MAP7D1: variants seen among roughly 807,000 people sequenced by gnomAD.
MAP7D1 encodes the protein MAP7 domain-containing protein 1.
Under a neutral mutation model 97.5 loss-of-function variants are expected in MAP7D1, and 30 were observed. The observed-to-expected ratio is 0.31, with a 90% CI of 0.23 to 0.42. The LOEUF is 0.42. MAP7D1 is among the 10% of genes least tolerant of loss of function. The pLI is 1.00. For synonymous variants in MAP7D1, 536 were observed against 477.1 expected (o/e 1.12, Z -1.61); for missense variants, 1,184 against 1,179.5 (o/e 1.00, Z -0.06).
At chr1:36,156,583 G>A (rs1342789371) in intron 1 of MAP7D1, 120 bp downstream of exon 1, 1 of 776,304 alleles carries the variant, frequency 1.3e-6, no homozygotes, top group Non-Finnish European at 1.8e-6. Context: ...TGACCACTTG[G>A]AAGTTTAAAA....
intron 1 of MAP7D1, among the ~76,000 whole-genome samples, chr1:36,166,686 G>C (rs1429377996): frequency 6.6e-6 from 1 of 152,128 alleles, no homozygotes; most frequent in Non-Finnish European, 1.5e-5. Context: ...ACCGCACCCG[G>C]CCAATCTGAC....
intron 1 of MAP7D1, among the ~76,000 whole-genome samples, chr1:36,158,902 G>A (rs1411078900): frequency 6.6e-6 from 1 of 152,104 alleles, no homozygotes; most frequent in African/African-American, 2.4e-5. Context: ...TCTTAAGTTT[G>A]CTCATCTGTA....
In MAP7D1 at chr1:36,179,182, T is replaced by C. The variant is rs186950490; in HGVS notation, c.2131-80T>C. 1.4e-3 allele frequency: 2,209 copies of C among 1,556,270 alleles called. 51 individuals are homozygous for C. In the Admixed American group the frequency reaches 0.034, roughly 24 times the overall value. ...GCTATGAGCTGGGAGGCCCTAAGAC[T>C]CCGAGGCCGGGTCTGGCTGGTGGGA... is the stretch of plus-strand genomic sequence containing the variant. On this transcript the variant is annotated intron_variant, in intron 12 of 16. Coordinates refer to ENST00000474796, the MANE Select transcript of MAP7D1 (RefSeq NM_001388490.1).
At position 36,178,486 on chromosome 1, in the gene MAP7D1, C is replaced by A. The variant is rs1005911204; in HGVS notation, c.1776C>A (p.Gly592=). 1 of 1,611,018 alleles carries A rather than the reference C, an allele frequency of 6.2e-7. No homozygotes were observed. The highest frequency in any genetic ancestry group is 1.3e-5 in the African/African-American group (1 of 74,894). The change falls in exon 10 of 17, where the codon GGC becomes GGA. Residue 592 remains glycine, a synonymous_variant. Transcript: ENST00000474796. ...TGACCCCTAGCAAACCAATGGCCGG[C>A]ACCACAGACCGAGAAGAAGCCACTC... ...PPVTPSKPMA[G]TTDREEATRL... is the part of the protein sequence containing the mutation.
intron 1 of MAP7D1, among the ~76,000 whole-genome samples, chr1:36,160,453 AT>A (rs934913937): frequency 1.3e-5 from 2 of 152,108 alleles, no homozygotes. Flanking sequence ...ATTATCTCCT[AT>A]TCATTAAGGG....
At position 36,156,173 on chromosome 1, in the gene MAP7D1, C is replaced by CGGGACT. The variant is rs1457466911; in HGVS notation, c.-241_-236dup. 22 of 414,986 alleles carry CGGGACT rather than the reference C, an allele frequency of 5.3e-5. No homozygotes were observed. Among genetic ancestry groups the CGGGACT allele is most frequent in the Non-Finnish European group, 8.4e-5 (20 of 236,922 alleles). 25.7% of individuals were successfully genotyped at this position (414,986 alleles called of 1,614,324 possible). A position where few individuals can be genotyped will look rare whatever the true frequency, so the allele number is the denominator to read the frequency against. On this transcript the variant is annotated 5_prime_UTR_variant, in exon 1 of 17. Coordinates refer to ENST00000474796, the MANE Select transcript of MAP7D1 (RefSeq NM_001388490.1). ...CGGTACAATAGGGTTGGGCCGAGGC[C>CGGGACT]GGGACTGGGCCGGCGCCGGGCGGGG...
rs773665510 is a variant in MAP7D1 at position 36,178,539 on chromosome 1, C to A, written c.1829C>A (p.Ala610Asp). ...TRLLAEKRRQ[A>D]REQREREEQE... ...CTCTTGGCTGAGAAGCGGCGCCAGG[C>A]CCGGGAGCAGCGGGAGCGCGAGGAG... Residue 610 changes from alanine (A) to aspartate (D), a missense_variant, in exon 10 of 17, where the codon GCC becomes GAC. Physicochemically the swap from Ala to Asp is moderately radical, Grantham distance 126. Transcript: ENST00000474796. 6.2e-7 allele frequency: 1 copy of A among 1,601,060 alleles called. No individual in the cohort carries two copies. The highest frequency in any genetic ancestry group is 1.1e-5 in the South Asian group (1 of 89,700).
intron 4 of MAP7D1, 48 bp downstream of exon 4, chr1:36,172,675 T>C: frequency 6.8e-7 from 1 of 1,476,870 alleles, no homozygotes; most frequent in Non-Finnish European, 9.1e-7. Flanking sequence ...GCTCACCGTC[T>C]GCATACTGGT....
chr1:36,176,721 A>C lies in MAP7D1; in HGVS notation c.1258A>C (p.Lys420Gln), dbSNP rs766942441. 2.5e-6 allele frequency: 4 copies of C among 1,603,630 alleles called. No individual in the cohort carries two copies. The highest frequency in any genetic ancestry group is 2.6e-6 in the Non-Finnish European group (3 of 1,175,784). Residue 420 changes from lysine (K) to glutamine (Q), a missense_variant, in exon 8 of 17, where the codon AAG becomes CAG. Physicochemically the swap from Lys to Gln is moderately conservative, Grantham distance 53. Transcript: ENST00000474796. This position sits in a 1 kb window ranked among gnomAD's most constrained non-coding sequence, Gnocchi z 6.1. ...GGTGCAGAAAAAGGAGAAGAAGGACAAGGAGCGGGAAAACGAGAAGGAGAA... is the reference window on the plus strand; with the variant it reads ...GGTGCAGAAAAAGGAGAAGAAGGACCAGGAGCGGGAAAACGAGAAGGAGAA... ...SPVQKKEKKD[K>Q]ERENEKEKSA...
chr1:36,164,459 G>A (rs1644449915), intron 1 of MAP7D1, among the ~76,000 whole-genome samples: 1 of 152,204 alleles, frequency 6.6e-6, no homozygotes, highest in Non-Finnish European at 1.5e-5. Flanking sequence ...AGCCAAGGAA[G>A]GCTTCCATGA....
Position 36,176,656 on chromosome 1 carries a change from C to T in MAP7D1, c.1234-41C>T, listed in dbSNP as rs1403647285. On this transcript the variant is annotated intron_variant, in intron 7 of 16. Transcript: ENST00000474796. This position sits in a 1 kb window ranked among gnomAD's most constrained non-coding sequence, Gnocchi z 6.1. ...CTGGAACTGGGGTACGCGGGCGCTGCTGACCTCTACTCTCCTCTTCCGTTC... is the reference window on the plus strand; with the variant it reads ...CTGGAACTGGGGTACGCGGGCGCTGTTGACCTCTACTCTCCTCTTCCGTTC... 6.3e-7 allele frequency: 1 copy of T among 1,597,354 alleles called. No individual in the cohort carries two copies. Among genetic ancestry groups the T allele is most frequent in the Non-Finnish European group, 8.5e-7 (1 of 1,170,312 alleles).
intron 3 of MAP7D1, 165 bp downstream of exon 3, chr1:36,171,746 A>G (rs574871801): frequency 8.0e-5 from 45 of 564,800 alleles, no homozygotes; most frequent in African/African-American, 6.7e-4. Flanking sequence ...TAGCCTGACC[A>G]ATGTGGAGAA....
In MAP7D1 at chr1:36,180,471, C is replaced by T. The variant is rs1230464063; in HGVS notation, c.*213C>T. On this transcript the variant is annotated 3_prime_UTR_variant, in exon 17 of 17. Coordinates refer to ENST00000474796, the MANE Select transcript of MAP7D1 (RefSeq NM_001388490.1). ...CAGTGCATTCGTGTGCTCGCACGCG[C>T]AGACATCCCTTCTCCCCCATACACA... 55 of 635,524 alleles carry T rather than the reference C, an allele frequency of 8.7e-5. No individual in the cohort carries two copies. The highest frequency in any genetic ancestry group is 1.8e-5 in the South Asian group (1 of 54,422). 39.4% of individuals were successfully genotyped at this position (635,524 alleles called of 1,614,324 possible). A position where few individuals can be genotyped will look rare whatever the true frequency, so the allele number is the denominator to read the frequency against.
chr1:36,166,591 G>C (rs190416521), intron 1 of MAP7D1, among the ~76,000 whole-genome samples: 1 of 151,890 alleles, frequency 6.6e-6, no homozygotes, highest in Non-Finnish European at 1.5e-5. Flanking sequence ...GGGTTTCACC[G>C]TGTTGGCCAG....
Position 36,171,120 on chromosome 1 carries a change from C to A in MAP7D1, c.196C>A (p.Leu66Met). The change falls in exon 2 of 17, where the codon CTG becomes ATG. Residue 66 changes from leucine to methionine, a missense_variant. By Grantham distance (15) the Leu-to-Met change is conservative. Transcript: ENST00000474796. Reference protein sequence around the residue: ...KNATSSKQLPLEPESPSGQVG... With the variant: ...KNATSSKQLPMEPESPSGQVG... ...TGCCACTAGCTCTAAGCAGCTCCCACTGGAACCAGAGAGCCCCTCAGGGCA... is the reference window on the plus strand; with the variant it reads ...TGCCACTAGCTCTAAGCAGCTCCCAATGGAACCAGAGAGCCCCTCAGGGCA... The A allele has an allele frequency of 6.2e-7, 1 of 1,614,002 alleles. No individual in the cohort carries two copies. The highest frequency in any genetic ancestry group is 1.1e-5 in the South Asian group (1 of 91,084).
intron 1 of MAP7D1, among the ~76,000 whole-genome samples, chr1:36,169,359 A>T (rs1222275242): frequency 5.3e-5 from 8 of 151,700 alleles, no homozygotes; most frequent in Non-Finnish European, 1.2e-4. Context: ...AATTGAGACC[A>T]TCCTGGCTAA....
At chr1:36,174,207 CAT>C (rs776863954) in intron 5 of MAP7D1, among the ~76,000 whole-genome samples, 13 of 152,194 alleles carry the variant, frequency 8.5e-5, no homozygotes, top group Admixed American at 3.9e-4. Context: ...AATGAGGTCA[CAT>C]GTGTGTGGTG....
rs957577141 is a variant in MAP7D1 at position 36,180,668 on chromosome 1, G to A, written c.*410G>A. 1 of 250,496 alleles carries A rather than the reference G, an allele frequency of 4.0e-6. No homozygotes were observed. Among genetic ancestry groups the A allele is most frequent in the Admixed American group, 5.1e-5 (1 of 19,654 alleles). 15.5% of individuals were successfully genotyped at this position (250,496 alleles called of 1,614,324 possible). On this transcript the variant is annotated 3_prime_UTR_variant, in exon 17 of 17. Transcript: ENST00000474796. ...GCAGACCCTCCCCCCAAAGCCCCCT[G>A]GGGAGATCTTCCTCTCTCTATTTAA...
Position 36,172,583 on chromosome 1 carries a change from G to A in MAP7D1, c.580G>A (p.Ala194Thr). The change falls in exon 4 of 17, where the codon GCA becomes ACA. Residue 194 changes from alanine to threonine, a missense_variant. Transcript: ENST00000474796. ...ACGTCTTAAAGCCGAGCAACGCCGT[G>A]CAGCCCTGGAGGAACGGCAGCGGCA... ...EQRLKAEQRR[A>T]ALEERQRQKL... The A allele has an allele frequency of 6.3e-7, 1 of 1,585,754 alleles. No homozygotes were observed. Among genetic ancestry groups the A allele is most frequent in the Non-Finnish European group, 8.6e-7 (1 of 1,157,620 alleles).
Sources: allele counts gnomAD v4.1 joint callset (sites outside exome capture counted in the v4.1 genomes callset), GRCh38; gene constraint gnomAD v4.1.1; non-coding constraint Gnocchi (gnomAD v3.1); transcripts MANE v1.5; gene names NCBI Gene and HGNC (gene_info 2026-07-23, HGNC 2026-07-21).